SEMA6D: variants seen among roughly 807,000 people sequenced by gnomAD.
The protein encoded by SEMA6D is semaphorin 6D.
A neutral mutation model predicts 106.6 loss-of-function variants in SEMA6D; 35 were observed. The ratio of observed to expected loss-of-function variants is 0.33; its 90% confidence interval spans 0.25 to 0.44. The LOEUF (loss-of-function observed/expected upper bound fraction) is 0.44, where lower values mean the gene tolerates loss of function less well. SEMA6D is among the 20% of genes least tolerant of loss of function. The probability of loss-of-function intolerance (pLI) is 1.00; values close to 1 mark genes in which losing one functional copy is unlikely to be tolerated. For synonymous variants in SEMA6D, 499 were observed against 487.7 expected (o/e 1.02, Z -0.31); for missense variants, 1,185 against 1,345.9 (o/e 0.88, Z 1.87).
At chr15:47,737,355 G>T (rs545758879) in intron 1 of SEMA6D, among the ~76,000 whole-genome samples, 10 of 152,080 alleles carry the variant, frequency 6.6e-5, no homozygotes, top group Non-Finnish European at 1.5e-4. Flanking sequence ...TGTTTATTTG[G>T]ATGGAAGGTA....
chr15:47,636,577 C>T (rs2077392677), intron 4 of SEMA6D, among the ~76,000 whole-genome samples: 1 of 152,186 alleles, frequency 6.6e-6, no homozygotes, highest in Admixed American at 6.5e-5. Flanking sequence ...AGATTACCCA[C>T]ACCCTAGACA....
chr15:47,423,596 A>G (rs1388092981), intron 2 of SEMA6D, among the ~76,000 whole-genome samples: 2 of 152,090 alleles, frequency 1.3e-5, no homozygotes, highest in South Asian at 2.1e-4. Flanking sequence ...CTACAAATAC[A>G]TAGGATAAAG....
intron 1 of SEMA6D, among the ~76,000 whole-genome samples, chr15:47,719,354 C>T (rs1199256455): frequency 6.6e-6 from 1 of 152,202 alleles, no homozygotes; most frequent in Non-Finnish European, 1.5e-5. Context: ...CGTCAACAGT[C>T]ATTGGACCTT....
intron 3 of SEMA6D, chr15:47,581,349 C>G (rs756430392): frequency 1.0e-5 from 5 of 493,502 alleles, no homozygotes; most frequent in African/African-American, 6.0e-5. Context: ...TATGGCAGAA[C>G]TACATATAAA....
At chr15:47,599,448 G>A (rs1263512686) in intron 3 of SEMA6D, among the ~76,000 whole-genome samples, 1 of 48,904 alleles carries the variant, frequency 2.0e-5, no homozygotes. Context: ...TCTGCCTTAC[G>A]CTTTTTTTTT....
chr15:47,524,975 T>A (rs2044705164), intron 3 of SEMA6D, among the ~76,000 whole-genome samples: 1 of 152,164 alleles, frequency 6.6e-6, no homozygotes, highest in African/African-American at 2.4e-5. Flanking sequence ...TACAGACTGC[T>A]CCCTTCCTAA....
intron 1 of SEMA6D, among the ~76,000 whole-genome samples, chr15:47,731,784 A>G (rs1208054056): frequency 6.6e-6 from 1 of 152,328 alleles, no homozygotes; most frequent in South Asian, 2.1e-4. Flanking sequence ...TTATGCTACC[A>G]TAGATATCAC....
chr15:47,202,656 C>T (rs1454984821), intron 1 of SEMA6D, among the ~76,000 whole-genome samples: 1 of 152,212 alleles, frequency 6.6e-6, no homozygotes, highest in African/African-American at 2.4e-5. Flanking sequence ...TCGTGGCCCT[C>T]TTCCAAGTAT....
At chr15:47,263,583 G>A (rs534026310) in intron 1 of SEMA6D, among the ~76,000 whole-genome samples, 7 of 152,080 alleles carry the variant, frequency 4.6e-5, no homozygotes, top group South Asian at 4.2e-4. Context: ...AAAGGAGCAC[G>A]TATACACTGC....
chr15:47,646,268 T>G (rs913091094), intron 4 of SEMA6D, among the ~76,000 whole-genome samples: 1 of 152,180 alleles, frequency 6.6e-6, no homozygotes, highest in Non-Finnish European at 1.5e-5. Context: ...ATTACTCTGC[T>G]GATTTCAACG....
chr15:47,616,191 G>A (rs1423754603), intron 4 of SEMA6D, among the ~76,000 whole-genome samples: 1 of 149,830 alleles, frequency 6.7e-6, no homozygotes, highest in Non-Finnish European at 1.5e-5. Flanking sequence ...TTTTGAGATA[G>A]AGTCTCTCTT....
chr15:47,485,417 A>G (rs1229050045), intron 3 of SEMA6D, among the ~76,000 whole-genome samples: 1 of 152,096 alleles, frequency 6.6e-6, no homozygotes, highest in Non-Finnish European at 1.5e-5. Context: ...AACATAACTG[A>G]CACCCACCCC....
At chr15:47,475,814 G>T (rs1359387783) in intron 3 of SEMA6D, among the ~76,000 whole-genome samples, 1 of 152,082 alleles carries the variant, frequency 6.6e-6, no homozygotes, top group East Asian at 1.9e-4. Context: ...TGATATATTG[G>T]ACTGGATTAC....
chr15:47,485,200 C>T (rs2043263006), intron 3 of SEMA6D, among the ~76,000 whole-genome samples: 1 of 152,262 alleles, frequency 6.6e-6, no homozygotes, highest in East Asian at 1.9e-4. Flanking sequence ...TGGTCAAAAT[C>T]TGAGTCATTA....
chr15:47,211,183 TCA>T (rs1170210057), intron 1 of SEMA6D, among the ~76,000 whole-genome samples: 2 of 152,188 alleles, frequency 1.3e-5, no homozygotes, highest in East Asian at 3.8e-4. Flanking sequence ...TTTTTATCTT[TCA>T]GTTTGAAAGT....
intron 3 of SEMA6D, among the ~76,000 whole-genome samples, chr15:47,589,012 A>C (rs1200564085): frequency 6.6e-6 from 1 of 152,210 alleles, no homozygotes; most frequent in African/African-American, 2.4e-5. Flanking sequence ...ACAGACCCCC[A>C]ACAAAGGATT....
chr15:47,579,178 G>A (rs148211634), intron 3 of SEMA6D, among the ~76,000 whole-genome samples: 2,099 of 140,308 alleles, frequency 0.015, 33 homozygotes, highest in South Asian at 0.058. Flanking sequence ...ATCTCACCCT[G>A]TTACCCAGGC....
chr15:47,297,040 A>C (rs1192624836), intron 1 of SEMA6D, among the ~76,000 whole-genome samples: 1 of 152,168 alleles, frequency 6.6e-6, no homozygotes, highest in African/African-American at 2.4e-5. Flanking sequence ...TGCAAAATGA[A>C]TCATCAGAGA....
chr15:47,413,208 A>C (rs551453624), intron 2 of SEMA6D, among the ~76,000 whole-genome samples: 1 of 152,334 alleles, frequency 6.6e-6, no homozygotes, highest in South Asian at 2.1e-4. Context: ...TGAAAAAAGT[A>C]ATAATTAAAA....
Sources: allele counts gnomAD v4.1 joint callset (sites outside exome capture counted in the v4.1 genomes callset), GRCh38; gene constraint gnomAD v4.1.1; transcripts MANE v1.5; gene names NCBI Gene and HGNC (gene_info 2026-07-23, HGNC 2026-07-21).